The following ACTR3C variants were observed in gnomAD, a reference collection of about 807,000 sequenced individuals.
ACTR3C encodes actin related protein 3C.
A neutral mutation model predicts 26.3 loss-of-function variants in ACTR3C; 18 were observed. The observed-to-expected ratio is 0.68, with a 90% confidence interval of 0.47 to 1.01. The LOEUF (loss-of-function observed/expected upper bound fraction) is 1.01, where lower values mean the gene tolerates loss of function less well. ACTR3C is among the 50% of genes least tolerant of loss of function. The pLI is 0.00. For synonymous variants in ACTR3C, 55 were observed against 94.5 expected (o/e 0.58, Z 2.42); for missense variants, 184 against 250.7 (o/e 0.73, Z 1.80).
the ACTR3C span, among the ~76,000 whole-genome samples, chr7:150,029,364 A>G: frequency 6.9e-6 from 1 of 144,810 alleles, no homozygotes; most frequent in African/African-American, 2.5e-5. Context: ...GTTTGAGACC[A>G]GGCTGGGCAA....
chr7:150,150,116 AT>A, the ACTR3C span, among the ~76,000 whole-genome samples: 1 of 151,898 alleles, frequency 6.6e-6, no homozygotes, highest in African/African-American at 2.4e-5. Context: ...GAAGAAACAG[AT>A]TTGAGGTTTT....
At chr7:150,071,484 C>CAGAT in the ACTR3C span, among the ~76,000 whole-genome samples, 1 of 149,376 alleles carries the variant, frequency 6.7e-6, no homozygotes, top group East Asian at 1.9e-4. Context: ...GACATAGAGC[C>CAGAT]AGATAGAAAT....
the ACTR3C span, among the ~76,000 whole-genome samples, chr7:149,992,795 C>T: frequency 1.3e-5 from 2 of 152,284 alleles, no homozygotes; most frequent in African/African-American, 4.8e-5. Context: ...GTCTCACATG[C>T]TCACGAGGTG....
chr7:149,901,300 T>C, the ACTR3C span, among the ~76,000 whole-genome samples: 2 of 150,974 alleles, frequency 1.3e-5, no homozygotes, highest in African/African-American at 2.4e-5. Context: ...AATCTACAGG[T>C]AGAATTACAA....
the ACTR3C span, among the ~76,000 whole-genome samples, chr7:150,234,148 T>G: frequency 6.6e-6 from 1 of 152,302 alleles, no homozygotes; most frequent in South Asian, 2.1e-4. Context: ...CACAGTTACA[T>G]TGGAGCCCTG....
chr7:149,917,073 AAT>A, the ACTR3C span, among the ~76,000 whole-genome samples: 2 of 77,570 alleles, frequency 2.6e-5, no homozygotes, highest in African/African-American at 9.7e-5. Context: ...ATTTGCCCCA[AAT>A]ATTTTTTTTT....
chr7:149,918,856 C>T, the ACTR3C span, among the ~76,000 whole-genome samples: 1 of 152,152 alleles, frequency 6.6e-6, no homozygotes, highest in Non-Finnish European at 1.5e-5. Flanking sequence ...AGAACGAGCC[C>T]AACACACTCC....
intron 1 of ACTR3C, among the ~76,000 whole-genome samples, chr7:150,313,392 T>C (rs931979376): frequency 2.6e-5 from 4 of 152,356 alleles, no homozygotes; most frequent in Admixed American, 6.5e-5. Context: ...GACAAGTTAT[T>C]ATCCAAAGAC....
At chr7:150,245,448 G>A (rs1180492959), downstream of ACTR3C, 1 of 152,200 alleles carries the variant, frequency 6.6e-6, no homozygotes, top group East Asian at 1.9e-4. Flanking sequence ...TCAATGTGTG[G>A]CTTCCAGGTT....
At chr7:150,218,229 C>T in the ACTR3C span, among the ~76,000 whole-genome samples, 1 of 151,610 alleles carries the variant, frequency 6.6e-6, no homozygotes, top group Non-Finnish European at 1.5e-5. Context: ...TCATCCACTA[C>T]AGAACTTTCA....
the ACTR3C span, among the ~76,000 whole-genome samples, chr7:149,912,605 C>T: frequency 4.0e-5 from 6 of 151,322 alleles, no homozygotes; most frequent in East Asian, 1.9e-4. Context: ...CTGTTTCAAG[C>T]GATTCTCCTG....
chr7:150,043,595 G>C, the ACTR3C span, among the ~76,000 whole-genome samples: 1 of 152,242 alleles, frequency 6.6e-6, no homozygotes, highest in Non-Finnish European at 1.5e-5. Context: ...GTAGGCGCCA[G>C]TGGGATCAAG....
At chr7:149,952,225 C>T in the ACTR3C span, among the ~76,000 whole-genome samples, 1 of 150,120 alleles carries the variant, frequency 6.7e-6, no homozygotes, top group South Asian at 2.1e-4. Flanking sequence ...TTGAGAAGGA[C>T]ACAATTCACT....
At chr7:150,180,283 C>T in the ACTR3C span, among the ~76,000 whole-genome samples, 6 of 149,218 alleles carry the variant, frequency 4.0e-5, no homozygotes, top group East Asian at 2.0e-4. Context: ...CCAGCCCGGG[C>T]GACAGAGCGA....
At chr7:150,191,315 A>T in the ACTR3C span, among the ~76,000 whole-genome samples, 15 of 152,228 alleles carry the variant, frequency 9.9e-5, no homozygotes, top group Non-Finnish European at 1.8e-4. Flanking sequence ...GATAATTGAC[A>T]TCTTACCGAT....
chr7:149,957,219 T>C, the ACTR3C span, among the ~76,000 whole-genome samples: 1 of 151,988 alleles, frequency 6.6e-6, no homozygotes, highest in Non-Finnish European at 1.5e-5. Context: ...TCTTAGGCTA[T>C]GAGGGACCAA....
the ACTR3C span, among the ~76,000 whole-genome samples, chr7:150,133,682 T>TACTGGATC: frequency 6.6e-6 from 1 of 152,150 alleles, no homozygotes; most frequent in African/African-American, 2.4e-5. Flanking sequence ...CACCTTTGAC[T>TACTGGATC]ACTGGATCTC....
the ACTR3C span, among the ~76,000 whole-genome samples, chr7:150,090,871 A>G: frequency 1.3e-5 from 2 of 152,242 alleles, no homozygotes; most frequent in African/African-American, 4.8e-5. Context: ...ACATCTTTTC[A>G]TGGTTGAGGG....
chr7:150,084,425 C>T, the ACTR3C span, among the ~76,000 whole-genome samples: 12 of 151,938 alleles, frequency 7.9e-5, no homozygotes, highest in East Asian at 1.2e-3. Flanking sequence ...GATAGTGATA[C>T]GTGTTGAGAA....
Sources: gnomAD v4.1 joint callset for allele counts (sites outside exome capture counted in the v4.1 genomes callset) on GRCh38, gnomAD v4.1.1 for gene constraint, MANE v1.5 for transcripts, NCBI Gene and HGNC (gene_info 2026-07-23, HGNC 2026-07-21) for gene names.